Variants in HHAT observed in about 807,000 individuals in gnomAD.
HHAT encodes hedgehog acyltransferase.
A neutral mutation model predicts 70.8 loss-of-function variants in HHAT; 47 were observed. That is an observed-to-expected ratio of 0.66 (90% CI 0.53 to 0.85). The LOEUF is 0.85. HHAT is among the 40% of genes least tolerant of loss of function. HHAT has a pLI of 0.00. For missense variants in HHAT, 609 were observed against 604.8 expected (o/e 1.01, Z -0.07); for synonymous variants, 228 against 247.6 (o/e 0.92, Z 0.74).
intron 2 of HHAT, among the ~76,000 whole-genome samples, chr1:210,353,694 T>C (rs1206600983): frequency 6.6e-6 from 1 of 152,094 alleles, no homozygotes; most frequent in Non-Finnish European, 1.5e-5. Context: ...ACTCCCTTCA[T>C]TTCCTCTTTC....
chr1:210,340,618 T>G (rs1571712485), intron 1 of HHAT, among the ~76,000 whole-genome samples: 1 of 152,196 alleles, frequency 6.6e-6, no homozygotes, highest in Admixed American at 6.5e-5. Flanking sequence ...GTAAATCGGT[T>G]AGGTTTAGTT....
intron 11 of HHAT, among the ~76,000 whole-genome samples, chr1:210,636,780 G>A (rs958006215): frequency 1.3e-5 from 2 of 148,254 alleles, no homozygotes; most frequent in Non-Finnish European, 2.9e-5. Context: ...AACATCTAAG[G>A]TATGACAATA....
chr1:210,485,009 G>T (rs1025450992), intron 8 of HHAT, among the ~76,000 whole-genome samples: 2 of 152,108 alleles, frequency 1.3e-5, no homozygotes, highest in Admixed American at 6.5e-5. Flanking sequence ...AGTAAGATGA[G>T]GTATGGGCTA....
intron 1 of HHAT, 121 bp downstream of exon 1, chr1:210,329,225 G>C: frequency 1.6e-6 from 2 of 1,238,796 alleles, no homozygotes; most frequent in East Asian, 3.2e-5. Flanking sequence ...AAGTTCCCGT[G>C]TGCGCGCCCG....
intron 8 of HHAT, among the ~76,000 whole-genome samples, chr1:210,465,212 A>G (rs2094074227): frequency 6.6e-6 from 1 of 152,238 alleles, no homozygotes; most frequent in Non-Finnish European, 1.5e-5. Context: ...TAGCTTTAAC[A>G]CTTGTGTTAT....
chr1:210,614,044 T>C (rs979690810), intron 10 of HHAT, among the ~76,000 whole-genome samples: 1 of 146,178 alleles, frequency 6.8e-6, no homozygotes, highest in East Asian at 2.0e-4. Context: ...AAAAAAAAAA[T>C]TCCTCCCATC....
At chr1:210,567,345 C>T (rs1303396182) in intron 9 of HHAT, among the ~76,000 whole-genome samples, 2 of 152,158 alleles carry the variant, frequency 1.3e-5, no homozygotes, top group Non-Finnish European at 2.9e-5. Flanking sequence ...TGACCAGTTC[C>T]TCAGGTAGGG....
At chr1:210,530,045 A>C (rs1378654533) in intron 9 of HHAT, among the ~76,000 whole-genome samples, 2 of 152,216 alleles carry the variant, frequency 1.3e-5, no homozygotes, top group Non-Finnish European at 2.9e-5. Flanking sequence ...TCTTGAGGTA[A>C]CTGGATAAAG....
At chr1:210,378,918 G>C (rs530325986) in intron 3 of HHAT, among the ~76,000 whole-genome samples, 11 of 152,336 alleles carry the variant, frequency 7.2e-5, no homozygotes, top group African/African-American at 2.6e-4. Context: ...CCAATCAGAG[G>C]AGACATTTCT....
At chr1:210,474,059 C>G (rs1366863258) in intron 8 of HHAT, among the ~76,000 whole-genome samples, 1 of 152,150 alleles carries the variant, frequency 6.6e-6, no homozygotes, top group Non-Finnish European at 1.5e-5. Flanking sequence ...GAGACTTCAT[C>G]TTCTACACTC....
intron 3 of HHAT, among the ~76,000 whole-genome samples, chr1:210,380,744 G>A (rs1344009195): frequency 6.6e-6 from 1 of 152,092 alleles, no homozygotes; most frequent in Non-Finnish European, 1.5e-5. Context: ...TGATGCTTCA[G>A]TGATGGTTTT....
chr1:210,569,305 C>T (rs1383906992), intron 9 of HHAT, among the ~76,000 whole-genome samples: 4 of 135,886 alleles, frequency 2.9e-5, no homozygotes, highest in South Asian at 4.9e-4. Flanking sequence ...ACCTGGGAGG[C>T]GGAGGTTGCA....
intron 8 of HHAT, among the ~76,000 whole-genome samples, chr1:210,483,007 C>G (rs2094420658): frequency 6.6e-6 from 1 of 152,112 alleles, no homozygotes; most frequent in Non-Finnish European, 1.5e-5. Context: ...TAAACATAGC[C>G]TCTTTTGTGC....
intron 11 of HHAT, among the ~76,000 whole-genome samples, chr1:210,673,929 A>G (rs899103971): frequency 1.4e-4 from 21 of 148,384 alleles, no homozygotes; most frequent in Non-Finnish European, 3.0e-4. Flanking sequence ...GGCTCTAAAC[A>G]TGGATTCGTT....
intron 8 of HHAT, among the ~76,000 whole-genome samples, chr1:210,473,267 C>T (rs767790087): frequency 2.6e-5 from 4 of 152,080 alleles, no homozygotes; most frequent in South Asian, 2.1e-4. Flanking sequence ...TGCCACAAAG[C>T]GTCTGTTTTG....
intron 11 of HHAT, among the ~76,000 whole-genome samples, chr1:210,667,606 C>T (rs1679189278): frequency 6.6e-6 from 1 of 152,006 alleles, no homozygotes; most frequent in South Asian, 2.1e-4. Context: ...TGAATTTTGC[C>T]AGTTTTATAC....
chr1:210,672,621 G>A (rs189941488), intron 11 of HHAT, among the ~76,000 whole-genome samples: 12 of 152,174 alleles, frequency 7.9e-5, no homozygotes, highest in Non-Finnish European at 1.2e-4. Context: ...TTTCCCTTTC[G>A]GCATCTTGTA....
intron 7 of HHAT, among the ~76,000 whole-genome samples, chr1:210,435,402 G>A (rs7534914): frequency 0.23 from 34,243 of 151,500 alleles, 4,384 homozygotes; most frequent in Admixed American, 0.35. Flanking sequence ...GCATATTTTG[G>A]TTATTGTGAA....
At chr1:210,545,376 C>G (rs2095474071) in intron 9 of HHAT, among the ~76,000 whole-genome samples, 1 of 151,802 alleles carries the variant, frequency 6.6e-6, no homozygotes, top group African/African-American at 2.4e-5. Context: ...GTATCCTTCT[C>G]TCACTTGCTT....
Sources: gnomAD v4.1 joint callset for allele counts (sites outside exome capture counted in the v4.1 genomes callset) on GRCh38, gnomAD v4.1.1 for gene constraint, MANE v1.5 for transcripts, NCBI Gene and HGNC (gene_info 2026-07-23, HGNC 2026-07-21) for gene names.